The following DPP10 variants were observed in gnomAD, a reference collection of about 807,000 sequenced individuals.
The protein encoded by DPP10 is dipeptidyl peptidase like 10, also known as inactive dipeptidyl peptidase 10.
Under a neutral mutation model 120.9 loss-of-function variants are expected in DPP10, and 33 were observed. That is an observed-to-expected ratio of 0.27 (90% confidence interval 0.21 to 0.37). The LOEUF (loss-of-function observed/expected upper bound fraction) is 0.37, where lower values mean the gene tolerates loss of function less well. Among genes scored for constraint, DPP10 ranks in the 10% least tolerant of loss-of-function variants. The probability of loss-of-function intolerance (pLI) is 1.00; values close to 1 mark genes in which losing one functional copy is unlikely to be tolerated. For missense variants in DPP10, 816 were observed against 942.8 expected (o/e 0.87, Z 1.76); for synonymous variants, 337 against 326.1 (o/e 1.03, Z -0.36).
At chr2:115,609,258 T>G (rs1229267593) in intron 5 of DPP10, among the ~76,000 whole-genome samples, 2 of 152,106 alleles carry the variant, frequency 1.3e-5, no homozygotes, top group Non-Finnish European at 2.9e-5. Context: ...CCAGCAGAGC[T>G]TATTAGAATG....
intron 1 of DPP10, among the ~76,000 whole-genome samples, chr2:115,305,389 CTAAGCACCTATTAAGAGAACAAGAGATT>C (rs1281273248): frequency 3.9e-5 from 6 of 152,012 alleles, no homozygotes; most frequent in Non-Finnish European, 7.4e-5. Context: ...TAATTACTTT[CTAAGCACCTATTAAGAGAACAAGAGATT>C]GTTAACTGAC....
intron 7 of DPP10, among the ~76,000 whole-genome samples, chr2:115,726,757 G>A (rs2092774350): frequency 6.6e-6 from 1 of 152,096 alleles, no homozygotes; most frequent in South Asian, 2.1e-4. Context: ...AATTGCTCTT[G>A]TCACTGTGCA....
At chr2:114,782,643 A>T (rs568628857) in intron 1 of DPP10, among the ~76,000 whole-genome samples, 1 of 152,178 alleles carries the variant, frequency 6.6e-6, no homozygotes, top group East Asian at 1.9e-4. Flanking sequence ...TTATAGTCAC[A>T]TTTAGGAATT....
intron 1 of DPP10, among the ~76,000 whole-genome samples, chr2:115,136,160 T>C (rs538518830): frequency 3.0e-4 from 19 of 64,142 alleles, no homozygotes; most frequent in African/African-American, 9.0e-4. Context: ...ACCTGGTTTA[T>C]GCTGAAAAAA....
chr2:114,653,612 G>A (rs762876471), intron 1 of DPP10, among the ~76,000 whole-genome samples: 2 of 152,152 alleles, frequency 1.3e-5, no homozygotes, highest in Non-Finnish European at 2.9e-5. Context: ...CATTTGTCAT[G>A]CCCTCCAAAG....
chr2:115,233,221 G>A (rs1436166835), intron 1 of DPP10, among the ~76,000 whole-genome samples: 2 of 151,940 alleles, frequency 1.3e-5, no homozygotes, highest in African/African-American at 4.8e-5. Context: ...GAGTGTGTGT[G>A]TGTGTGTGTG....
intron 3 of DPP10, among the ~76,000 whole-genome samples, chr2:115,422,139 A>T (rs2104691698): frequency 6.6e-6 from 1 of 152,250 alleles, no homozygotes; most frequent in East Asian, 1.9e-4. Context: ...TGTTGATGCA[A>T]AGCTGTTTAA....
chr2:115,570,974 G>A (rs1015399808), intron 5 of DPP10, among the ~76,000 whole-genome samples: 5 of 152,200 alleles, frequency 3.3e-5, no homozygotes, highest in East Asian at 1.9e-4. Context: ...GAGGGGAGTC[G>A]GTGGGCATTA....
At chr2:115,067,275 G>A (rs192229940) in intron 1 of DPP10, among the ~76,000 whole-genome samples, 54 of 151,858 alleles carry the variant, frequency 3.6e-4, no homozygotes, top group South Asian at 1.0e-3. Context: ...GTTTTGAGAC[G>A]GAGTCTGGCT....
chr2:114,454,423 G>T (rs901827857), intron 1 of DPP10, among the ~76,000 whole-genome samples: 6 of 152,160 alleles, frequency 3.9e-5, no homozygotes, highest in African/African-American at 1.2e-4. Flanking sequence ...CAGACTGTAA[G>T]AGGTGGAGAT....
At chr2:115,325,969 A>G (rs1292877626) in intron 2 of DPP10, among the ~76,000 whole-genome samples, 1 of 152,138 alleles carries the variant, frequency 6.6e-6, no homozygotes, top group African/African-American at 2.4e-5. Context: ...CTTCCTGAAA[A>G]CTAGATAAGT....
chr2:114,934,471 T>A lies in DPP10; in HGVS notation c.61-374768T>A, dbSNP rs144749676. Among the ~76,000 whole-genome samples the A allele has an allele frequency of 4.6e-3, 693 of 152,280 alleles. 1 individual carries two copies. The highest frequency in any genetic ancestry group is 0.017 in the Middle Eastern group (5 of 294). On this transcript the variant is annotated intron_variant, in intron 1 of 25. Transcript: ENST00000410059. ...TGGGAGTGAAACATCATAAAGGTCTTCATCCTCATCATCTTCATGTTGAGT... is the reference window on the plus strand; with the variant it reads ...TGGGAGTGAAACATCATAAAGGTCTACATCCTCATCATCTTCATGTTGAGT...
intron 1 of DPP10, among the ~76,000 whole-genome samples, chr2:115,219,346 C>G (rs1332144717): frequency 6.6e-6 from 1 of 152,064 alleles, no homozygotes; most frequent in Non-Finnish European, 1.5e-5. Flanking sequence ...AATTTTTGTA[C>G]ATGAATCATG....
At chr2:115,016,611 A>G (rs1702657252) in intron 1 of DPP10, among the ~76,000 whole-genome samples, 2 of 151,898 alleles carry the variant, frequency 1.3e-5, no homozygotes, top group African/African-American at 4.8e-5. Context: ...CTCATCTGAC[A>G]AAGGGCTAAT....
At chr2:115,195,166 T>C (rs954194653) in intron 1 of DPP10, among the ~76,000 whole-genome samples, 4 of 152,188 alleles carry the variant, frequency 2.6e-5, no homozygotes, top group Non-Finnish European at 1.5e-5. Context: ...TCCTGAGACA[T>C]TGAAAGGGAT....
intron 2 of DPP10, among the ~76,000 whole-genome samples, chr2:115,342,344 C>T (rs1023023654): frequency 1.3e-5 from 2 of 152,036 alleles, no homozygotes; most frequent in African/African-American, 4.8e-5. Context: ...GTAGCTGGGA[C>T]CTCAGACATG....
At chr2:114,515,573 A>G (rs1357251201) in intron 1 of DPP10, among the ~76,000 whole-genome samples, 1 of 152,172 alleles carries the variant, frequency 6.6e-6, no homozygotes, top group Non-Finnish European at 1.5e-5. Context: ...ACCCAACCTA[A>G]ATAGTCAAAA....
chr2:114,705,124 G>A (rs1476574560), intron 1 of DPP10, among the ~76,000 whole-genome samples: 1 of 152,112 alleles, frequency 6.6e-6, no homozygotes, highest in African/African-American at 2.4e-5. Context: ...TAGAACAAGG[G>A]GCCATGGTCA....
intron 1 of DPP10, among the ~76,000 whole-genome samples, chr2:115,171,728 A>C (rs1040896891): frequency 1.3e-4 from 19 of 151,098 alleles, no homozygotes; most frequent in Admixed American, 7.3e-4. Context: ...AAAAAAAAAA[A>C]CAAAAAAAAA....
Sources: gnomAD v4.1 joint callset for allele counts (sites outside exome capture counted in the v4.1 genomes callset) on GRCh38, gnomAD v4.1.1 for gene constraint, MANE v1.5 for transcripts, NCBI Gene and HGNC (gene_info 2026-07-23, HGNC 2026-07-21) for gene names.